PSMD4: variants seen among roughly 807,000 people sequenced by gnomAD.
PSMD4 encodes proteasome 26S subunit ubiquitin receptor, non-ATPase 4, also known as 26S proteasome non-ATPase regulatory subunit 4.
A neutral mutation model predicts 39.7 loss-of-function variants in PSMD4; 5 were observed. The ratio of observed to expected loss-of-function variants is 0.13; its 90% CI spans 0.07 to 0.26. The LOEUF is 0.26. Ranked by LOEUF, PSMD4 falls within the 10% of genes least tolerant of loss-of-function variation. The probability of loss-of-function intolerance (pLI) is 1.00; values close to 1 mark genes in which losing one functional copy is unlikely to be tolerated. For missense variants in PSMD4, 272 were observed against 486.1 expected, an observed-to-expected ratio of 0.56 and a Z score of 4.14; for synonymous variants, 143 against 174.6, an observed-to-expected ratio of 0.82 and a Z score of 1.43.
intron 4 of PSMD4, 47 bp downstream of exon 4, chr1:151,264,965 A>G (rs1571071693): frequency 6.5e-7 from 1 of 1,531,550 alleles, no homozygotes; most frequent in Non-Finnish European, 9.0e-7. Context: ...CATGTTTGGG[A>G]CTGAGGTCTT....
Position 151,267,202 on chromosome 1 carries a change from C to T in PSMD4, c.993C>T (p.Asp331=). 1.9e-6 allele frequency: 3 copies of T among 1,613,950 alleles called. No homozygotes were observed. Among genetic ancestry groups the T allele is most frequent in the Non-Finnish European group, 2.5e-6 (3 of 1,179,856 alleles). The part of the protein sequence containing the change: ...KEEDDYDVMQ[D]PEFLQSVLEN... ...AGGATGATTACGACGTGATGCAGGA[C>T]CCCGAGTTCCTTCAGAGTGTCCTAG... The change falls in exon 10 of 10, where the codon GAC becomes GAT. Residue 331 remains aspartate, a synonymous_variant. Coordinates refer to ENST00000368884, the MANE Select transcript of PSMD4 (RefSeq NM_002810.4).
chr1:151,262,016 T>A, intron 1 of PSMD4, 145 bp from the exon 2 acceptor site: 1 of 787,688 alleles, frequency 1.3e-6, no homozygotes. Context: ...GGGCTAAGGC[T>A]TGATCATCTG....
rs772634898 is a variant in PSMD4, at chr1:151,266,359, G to T, written c.815G>T (p.Arg272Leu). 10 of 1,614,064 alleles carry T rather than the reference G, an allele frequency of 6.2e-6. No individual in the cohort carries two copies. The highest frequency in any genetic ancestry group is 8.5e-6 in the Non-Finnish European group (10 of 1,180,046). ...ACCATCAGCCAGCAAGAGTTTGGCC[G>T]CACTGGGCTTCCTGACCTAAGCAGT... is the stretch of plus-strand genomic sequence containing the variant. The part of the protein sequence containing the change: ...KMTISQQEFG[R>L]TGLPDLSSMT... Residue 272 changes from arginine (R) to leucine (L), a missense_variant, in exon 8 of 10, where the codon CGC (arginine) becomes CTC (leucine). Arg to Leu is a moderately radical substitution (Grantham distance 102). Coordinates refer to ENST00000368884, the MANE Select transcript of PSMD4 (RefSeq NM_002810.4).
At chr1:151,265,854 C>T (rs1195052915) in intron 6 of PSMD4, 150 bp from the exon 7 acceptor site, 4 of 1,186,440 alleles carry the variant, frequency 3.4e-6, no homozygotes, top group Non-Finnish European at 3.5e-6. Flanking sequence ...CTTTTTAATC[C>T]CGTACCACTG....
In PSMD4 at chr1:151,266,521, G is replaced by A. The variant is rs1134743; in HGVS notation, c.897G>A (p.Glu299=). The A allele has an allele frequency of 1.9e-6, 3 of 1,614,094 alleles. No homozygotes were observed. The African/African-American group carries it at 4.0e-5, about 22-fold the overall frequency. Residue 299 remains glutamate (E), a splice_region_variant and synonymous_variant, in exon 9 of 10, where the codon GAG becomes GAA. Transcript: ENST00000368884. ...YAMQMSLQGA[E]FGQAESADID... ...AACAGACTGACCTCTCTTCCTCAGA[G>A]TTTGGCCAGGCGGAATCAGCAGACA...
intron 1 of PSMD4, among the ~76,000 whole-genome samples, chr1:151,260,694 C>A (rs1400973377): frequency 6.6e-6 from 1 of 151,998 alleles, no homozygotes; most frequent in African/African-American, 2.4e-5. Context: ...TGCCACCACG[C>A]CCGGCTAACT....
At chr1:151,265,689 C>A in intron 6 of PSMD4, 80 bp downstream of exon 6, 1 of 1,452,590 alleles carries the variant, frequency 6.9e-7, no homozygotes, top group Non-Finnish European at 9.6e-7. Context: ...GAGCTTCTAT[C>A]AGGCTGGATA....
intron 3 of PSMD4, 104 bp from the exon 4 acceptor site, chr1:151,264,728 A>C (rs587722204): frequency 3.5e-6 from 3 of 855,780 alleles, no homozygotes; most frequent in East Asian, 5.4e-5. Context: ...TAGATGGTGT[A>C]CTTCAGGTAC....
At chr1:151,264,145 G>C in intron 3 of PSMD4, 117 bp downstream of exon 3, 1 of 744,980 alleles carries the variant, frequency 1.3e-6, no homozygotes. Context: ...AGCTAACTTG[G>C]AGTAGAAAGG....
rs1354982356 is a variant in PSMD4 at position 151,256,366 on chromosome 1, AAT to A, written c.26+1560_26+1561del. Among the ~76,000 whole-genome samples the A allele has an allele frequency of 9.1e-4, 119 of 130,700 alleles. 8 individuals carry two copies. The highest frequency in any genetic ancestry group is 3.8e-3 in the Middle Eastern group (1 of 266). 85.7% of individuals were successfully genotyped at this position (130,700 alleles called of 152,430 possible). ...CTCAAAAAAAAAAAAATAATAATAA[AAT>A]AAATAAATAAATAAATAAATAAATA... On this transcript the variant is annotated intron_variant, in intron 1 of 9. Transcript: ENST00000368884.
At position 151,267,479 on chromosome 1, in the gene PSMD4, A is replaced by C. The variant is rs927948899; in HGVS notation, c.*136A>C. On this transcript the variant is annotated 3_prime_UTR_variant, in exon 10 of 10. Coordinates refer to ENST00000368884, the MANE Select transcript of PSMD4 (RefSeq NM_002810.4). The stretch of plus-strand genomic sequence containing the variant: ...AACTTTTTTTCCTTTTTTGCTTCAA[A>C]TATTGATGGTTTTGAGTGTGAGAGA... 8 of 1,000,462 alleles carry C rather than the reference A, an allele frequency of 8.0e-6. No individual in the cohort carries two copies. The highest frequency in any genetic ancestry group is 1.2e-5 in the Non-Finnish European group (8 of 687,208). The allele number at this position is 1,000,462 out of a possible 1,614,324, so 62.0% of individuals were successfully genotyped here.
chr1:151,258,438 AC>A (rs1337377309), intron 1 of PSMD4, among the ~76,000 whole-genome samples: 1 of 118,334 alleles, frequency 8.5e-6, no homozygotes, highest in African/African-American at 3.3e-5. Context: ...CCATTGTATT[AC>A]CCTTTTCGAG....
At chr1:151,263,861 T>C (rs1230217232) in intron 2 of PSMD4, 53 bp from the exon 3 acceptor site, 2 of 1,224,608 alleles carry the variant, frequency 1.6e-6, no homozygotes, top group Non-Finnish European at 2.3e-6. Context: ...AGACACAGTT[T>C]AGAGGTACTT....
At chr1:151,261,180 CTTTTTTTTTTT>C (rs587653164) in intron 1 of PSMD4, among the ~76,000 whole-genome samples, 1 of 120,010 alleles carries the variant, frequency 8.3e-6, no homozygotes, top group Non-Finnish European at 1.8e-5. Flanking sequence ...TTTTCTTTTT[CTTTTTTTTTTT>C]TTTTTTTTGA....
chr1:151,255,828 A>T (rs1323139794), intron 1 of PSMD4, among the ~76,000 whole-genome samples: 1 of 151,988 alleles, frequency 6.6e-6, no homozygotes, highest in Non-Finnish European at 1.5e-5. Flanking sequence ...GGTTCAAGTG[A>T]TTCCCAGTGA....
Position 151,267,382 on chromosome 1 carries a change from T to C in PSMD4, c.*39T>C. On this transcript the variant is annotated 3_prime_UTR_variant, in exon 10 of 10. Transcript: ENST00000368884. Reference sequence around the variant, plus strand: ...GGGTAGCTGAGTCTGCTTAGGGGACTGCATGGGAAGCACGGAATATAGGGT... The same window carrying C: ...GGGTAGCTGAGTCTGCTTAGGGGACCGCATGGGAAGCACGGAATATAGGGT... 6.2e-7 allele frequency: 1 copy of C among 1,600,700 alleles called. No homozygotes were observed. The highest frequency in any genetic ancestry group is 2.2e-5 in the East Asian group (1 of 44,728).
At chr1:151,256,900 C>G (rs1693188201) in intron 1 of PSMD4, among the ~76,000 whole-genome samples, 1 of 152,142 alleles carries the variant, frequency 6.6e-6, no homozygotes, top group African/African-American at 2.4e-5. Flanking sequence ...CAGGCATGCG[C>G]CACCACGCCC....
chr1:151,265,936 A>G, intron 6 of PSMD4, 68 bp from the exon 7 acceptor site: 4 of 1,501,820 alleles, frequency 2.7e-6, no homozygotes, highest in Non-Finnish European at 2.7e-6. Flanking sequence ...CCACACCCCA[A>G]CTGACTTTCC....
At chr1:151,257,712 TTTC>T (rs1187399180) in intron 1 of PSMD4, among the ~76,000 whole-genome samples, 4 of 97,726 alleles carry the variant, frequency 4.1e-5, no homozygotes, top group African/African-American at 1.6e-4. Flanking sequence ...CATACCTGGC[TTTC>T]TTTTTTTTTT....
Sources: gnomAD v4.1 joint callset for allele counts (sites outside exome capture counted in the v4.1 genomes callset) on GRCh38, gnomAD v4.1.1 for gene constraint, MANE v1.5 for transcripts, NCBI Gene and HGNC (gene_info 2026-07-23, HGNC 2026-07-21) for gene names.